Variants in ADGRF5 observed in about 807,000 individuals in gnomAD.
ADGRF5 encodes the protein adhesion G protein-coupled receptor F5, also known as G-protein coupled receptor 116.
A neutral mutation model predicts 132.3 loss-of-function variants in ADGRF5; 75 were observed. The ratio of observed to expected loss-of-function variants is 0.57; its 90% CI spans 0.47 to 0.69. ADGRF5 has a LOEUF of 0.69. ADGRF5 is among the 30% of genes least tolerant of loss of function. ADGRF5 has a pLI of 0.00. For missense variants in ADGRF5, 1,516 were observed against 1,630.6 expected, an observed-to-expected ratio of 0.93 and a Z score of 1.21; for synonymous variants, 629 against 597.6, an observed-to-expected ratio of 1.05 and a Z score of -0.77.
At chr6:46,882,143 A>G in intron 6 of ADGRF5, 36 bp from the exon 7 acceptor site, 3 of 1,434,684 alleles carry the variant, frequency 2.1e-6, no homozygotes, top group Non-Finnish European at 3.0e-6. Context: ...CATATATCAA[A>G]GTCGAGAAAT....
chr6:46,919,976 A>G (rs1776773811), intron 1 of ADGRF5, among the ~76,000 whole-genome samples: 1 of 152,126 alleles, frequency 6.6e-6, no homozygotes, highest in Admixed American at 6.6e-5. Context: ...GGGGAAGGCC[A>G]CCTTTTTACA....
At chr6:46,895,237 AC>A (rs1774049357) in intron 3 of ADGRF5, among the ~76,000 whole-genome samples, 1 of 152,160 alleles carries the variant, frequency 6.6e-6, no homozygotes, top group African/African-American at 2.4e-5. Flanking sequence ...AGTTAAAAAA[AC>A]AAACAAAAAA....
chr6:46,881,427 A>T (rs745608839), intron 8 of ADGRF5, 28 bp downstream of exon 8: 1 of 1,595,004 alleles, frequency 6.3e-7, no homozygotes, highest in Non-Finnish European at 8.6e-7. Flanking sequence ...CATAAATAAC[A>T]TGACCATATC....
At position 46,878,373 on chromosome 6, in the gene ADGRF5, A is replaced by G; in HGVS notation, c.1069T>C (p.Phe357Leu). 1 of 1,611,126 alleles carries G rather than the reference A, an allele frequency of 6.2e-7. No homozygotes were observed. The highest frequency in any genetic ancestry group is 8.5e-7 in the Non-Finnish European group (1 of 1,177,432). The change falls in exon 10 of 21, where the codon TTT becomes CTT. Residue 357 changes from phenylalanine (F) to leucine (L), a missense_variant. Around this residue, in one of 2 missense-constraint regions of ADGRF5, gnomAD observed 945 missense variants for 929.4 expected, o/e 1.02. Transcript: ENST00000283296. ...ATTTTCTTCTTGCACTCATATTCAAAAATGTCTAATATCAGTTTGCAAACA... is the reference window on the plus strand; with the variant it reads ...ATTTTCTTCTTGCACTCATATTCAAGAATGTCTAATATCAGTTTGCAAACA... ...EYVCKLILDI[F>L]EYECKKKIDV... is the part of the protein sequence containing the mutation.
At position 46,889,788 on chromosome 6, in the gene ADGRF5, A is replaced by T. The variant is rs569858814; in HGVS notation, c.158-1283T>A. ...ATATATTATGTGTGTGTGTATATAT[A>T]TATATATATATACATAGTTTTCTAT... On this transcript the variant is annotated intron_variant, in intron 3 of 20. Transcript: ENST00000283296. Among the ~76,000 whole-genome samples the T allele has an allele frequency of 1.2e-4, 18 of 149,054 alleles. No homozygotes were observed. The South Asian group carries it at 3.8e-3, about 31-fold the overall frequency.
chr6:46,950,338 C>T (rs1280501974), intron 1 of ADGRF5, among the ~76,000 whole-genome samples: 3 of 152,166 alleles, frequency 2.0e-5, no homozygotes, highest in Non-Finnish European at 4.4e-5. Context: ...TTGGCCTTCC[C>T]TTTTCCCACA....
At chr6:46,893,058 ATTTTTTTTTTTTT>A (rs35014340) in intron 3 of ADGRF5, among the ~76,000 whole-genome samples, 1,276 of 86,768 alleles carry the variant, frequency 0.015, 33 homozygotes, top group African/African-American at 0.053. Flanking sequence ...GACAACAGGG[ATTTTTTTTTTTTT>A]TTTTTTTTTT....
intron 3 of ADGRF5, 95 bp downstream of exon 3, chr6:46,899,934 G>A: frequency 2.3e-6 from 2 of 865,630 alleles, no homozygotes; most frequent in East Asian, 2.4e-5. Flanking sequence ...TGTGATTGGA[G>A]GCTGAATTAT....
In ADGRF5 at chr6:46,878,305, C is replaced by T; in HGVS notation, c.1137G>A (p.Lys379=). 1 of 1,613,016 alleles carries T rather than the reference C, an allele frequency of 6.2e-7. No individual in the cohort carries two copies. Among genetic ancestry groups the T allele is most frequent in the Non-Finnish European group, 8.5e-7 (1 of 1,179,020 alleles). ...PIQILANEEM[K]VMCDNNPVSL... is the part of the protein sequence containing the mutation. ...ATACAGGATTGTTGTCGCACATCACCTTCATTTCTTCATTTGCCAAAATTT... is the reference window on the plus strand; with the variant it reads ...ATACAGGATTGTTGTCGCACATCACTTTCATTTCTTCATTTGCCAAAATTT... Residue 379 remains lysine, a synonymous_variant, in exon 10 of 21, where the codon AAG becomes AAA. Transcript: ENST00000283296.
intron 1 of ADGRF5, among the ~76,000 whole-genome samples, chr6:46,928,080 G>T (rs1357594420): frequency 6.6e-6 from 1 of 152,156 alleles, no homozygotes; most frequent in Non-Finnish European, 1.5e-5. Flanking sequence ...CATTTGAGGG[G>T]ACAGAATAAC....
chr6:46,919,222 C>T (rs1776684383), intron 1 of ADGRF5, among the ~76,000 whole-genome samples: 1 of 152,124 alleles, frequency 6.6e-6, no homozygotes, highest in Non-Finnish European at 1.5e-5. Context: ...CTTTTATCCT[C>T]ATAGTACTGA....
chr6:46,948,328 G>T (rs954551787), intron 1 of ADGRF5, among the ~76,000 whole-genome samples: 8 of 152,152 alleles, frequency 5.3e-5, no homozygotes, highest in African/African-American at 1.2e-4. Flanking sequence ...GAGATTATTT[G>T]TAATATTATA....
chr6:46,869,422 C>T (rs1198042201), intron 11 of ADGRF5: 1 of 983,848 alleles, frequency 1.0e-6, no homozygotes, highest in Non-Finnish European at 1.2e-6. Context: ...TTATCCCACG[C>T]TCCCCTCCAA....
chr6:46,877,235 C>CTT (rs1264952471), intron 10 of ADGRF5, among the ~76,000 whole-genome samples: 2 of 26,252 alleles, frequency 7.6e-5, no homozygotes, highest in African/African-American at 4.7e-4. Context: ...CTCTTTCTTT[C>CTT]TTTCTTTCTT....
Position 46,860,756 on chromosome 6 carries a change from G to A in ADGRF5, c.2338C>T (p.Leu780Phe), listed in dbSNP as rs1769645734. 1.2e-6 allele frequency: 2 copies of A among 1,613,678 alleles called. No homozygotes were observed. The highest frequency in any genetic ancestry group is 1.1e-5 in the South Asian group (1 of 91,042). The change falls in exon 16 of 21, where the codon CTC (leucine) becomes TTC (phenylalanine). Residue 780 changes from leucine (L) to phenylalanine (F), a missense_variant. Leu to Phe is a conservative substitution (Grantham distance 22, BLOSUM62 0). Coordinates refer to ENST00000283296, the MANE Select transcript of ADGRF5 (RefSeq NM_001098518.2). ...LGAIINILDL[L>F]STVPTQVNSE... ...TTTACTTGGGTTGGAACTGTTGAGA[G>A]CAGATCAAGGATGTTAATAATGGCT...
chr6:46,895,089 AT>A (rs1166882777), intron 3 of ADGRF5, among the ~76,000 whole-genome samples: 1 of 152,056 alleles, frequency 6.6e-6, no homozygotes, highest in East Asian at 1.9e-4. Flanking sequence ...AGGCAGGAGA[AT>A]TGCTTGAACC....
intron 20 of ADGRF5, 126 bp downstream of exon 20, chr6:46,855,848 T>C: frequency 4.5e-6 from 3 of 670,762 alleles, no homozygotes; most frequent in Non-Finnish European, 8.1e-6. Context: ...CTATTTAACC[T>C]CTACCCCAAA....
intron 2 of ADGRF5, among the ~76,000 whole-genome samples, chr6:46,904,125 G>C (rs1229172114): frequency 2.0e-5 from 3 of 152,158 alleles, no homozygotes; most frequent in African/African-American, 7.2e-5. Context: ...ACCCACCCAA[G>C]CATCCTGAGC....
intron 3 of ADGRF5, among the ~76,000 whole-genome samples, chr6:46,891,285 T>G (rs1234375636): frequency 6.6e-6 from 1 of 152,224 alleles, no homozygotes; most frequent in African/African-American, 2.4e-5. Context: ...AAAACAAGCT[T>G]CCTGGAAGAA....
Sources: gnomAD v4.1 joint callset for allele counts (sites outside exome capture counted in the v4.1 genomes callset) on GRCh38, gnomAD v4.1.1 for gene constraint, gnomAD v4.1.1 regional missense constraint, MANE v1.5 for transcripts, NCBI Gene and HGNC (gene_info 2026-07-23, HGNC 2026-07-21) for gene names.